The following MOSPD1 variants were observed in gnomAD, a reference collection of about 807,000 sequenced individuals.
MOSPD1 encodes motile sperm domain-containing protein 1.
Under a neutral mutation model 16.7 loss-of-function variants are expected in MOSPD1, and 5 were observed. The observed-to-expected ratio is 0.30, with a 90% CI of 0.16 to 0.63. The LOEUF (loss-of-function observed/expected upper bound fraction) is 0.63, where lower values mean the gene tolerates loss of function less well. MOSPD1 is among the 30% of genes least tolerant of loss of function. The pLI is 0.82. For synonymous variants in MOSPD1, 67 were observed against 59.2 expected, an observed-to-expected ratio of 1.13 and a Z score of -0.61; for missense variants, 104 against 153.6, an observed-to-expected ratio of 0.68 and a Z score of 1.71.
At chrX:134,903,124 G>A (rs1333335950) in intron 1 of MOSPD1, among the ~76,000 whole-genome samples, 6 of 109,620 alleles carry the variant, frequency 5.5e-5, no homozygotes, top group South Asian at 7.6e-4. Flanking sequence ...AAACTCTGTC[G>A]AGATGAGAAT....
chrX:134,889,796 C>G (rs1325664371), intron 5 of MOSPD1, among the ~76,000 whole-genome samples: 6 of 111,455 alleles, frequency 5.4e-5, no homozygotes, highest in Non-Finnish European at 1.1e-4. Flanking sequence ...AGGGGCTAGG[C>G]ATGGTGGCTC....
chrX:134,889,480 A>G (rs2082850704), intron 5 of MOSPD1, among the ~76,000 whole-genome samples: 1 of 112,152 alleles, frequency 8.9e-6, no homozygotes, highest in South Asian at 3.7e-4. Context: ...AAACATAATA[A>G]TAGCAGATGT....
intron 1 of MOSPD1, among the ~76,000 whole-genome samples, chrX:134,906,419 C>A (rs1222368028): frequency 3.7e-5 from 4 of 108,216 alleles, no homozygotes; most frequent in African/African-American, 1.3e-4. Context: ...CTCCTGACCT[C>A]GTGATCCGCC....
rs144007596 is a variant in MOSPD1 at position 134,909,418 on chromosome X, A to C, written c.-102+5764T>G. ...GTCACAGTGTACCAGCTACTTAACT[A>C]TCTCTCCCTGGCTCTTGCTGTTTAC... On this transcript the variant is annotated intron_variant, in intron 1 of 5. Transcript: ENST00000370783. 4.0e-3 allele frequency among the ~76,000 whole-genome samples: 449 copies of C among 111,862 alleles called. 1 individual carries two copies. Among genetic ancestry groups the C allele is most frequent in the Non-Finnish European group, 6.5e-3 (344 of 53,169 alleles).
intron 4 of MOSPD1, among the ~76,000 whole-genome samples, chrX:134,892,632 G>A (rs1209417383): frequency 1.8e-5 from 2 of 112,349 alleles, no homozygotes; most frequent in South Asian, 3.7e-4. Context: ...CACGGCTCAC[G>A]CCTGTAATCC....
chrX:134,900,561 T>C (rs924259630), intron 1 of MOSPD1, among the ~76,000 whole-genome samples: 2 of 112,013 alleles, frequency 1.8e-5, no homozygotes, highest in African/African-American at 6.5e-5. Flanking sequence ...ACATGCTTTG[T>C]GAGAGCTATT....
At chrX:134,897,372 G>A (rs2082890232) in intron 3 of MOSPD1, among the ~76,000 whole-genome samples, 1 of 108,469 alleles carries the variant, frequency 9.2e-6, no homozygotes, top group South Asian at 4.0e-4. Flanking sequence ...ACCAGCCTAT[G>A]CAACACAGAG....
intron 1 of MOSPD1, among the ~76,000 whole-genome samples, chrX:134,904,375 T>C (rs1227458751): frequency 8.9e-6 from 1 of 112,288 alleles, no homozygotes; most frequent in Non-Finnish European, 1.9e-5. Context: ...CAAAATTAAA[T>C]GCACATAGCC....
chrX:134,890,855 GAA>G, intron 5 of MOSPD1, among the ~76,000 whole-genome samples: 2 of 111,666 alleles, frequency 1.8e-5, no homozygotes, highest in South Asian at 7.5e-4. Flanking sequence ...AGGGAATACT[GAA>G]AAGAGTTGGC....
chrX:134,905,201 T>C (rs1423776106), intron 1 of MOSPD1, among the ~76,000 whole-genome samples: 1 of 99,677 alleles, frequency 1.0e-5, no homozygotes, highest in Non-Finnish European at 2.0e-5. Context: ...CTACTAAAAA[T>C]ACAAAAAAAA....
chrX:134,912,989 A>C (rs1371210555), intron 1 of MOSPD1, among the ~76,000 whole-genome samples: 1 of 110,862 alleles, frequency 9.0e-6, no homozygotes, highest in Non-Finnish European at 1.9e-5. Context: ...CTGTAATCCC[A>C]GCACTTTGGG....
chrX:134,895,901 G>A (rs1369108233), intron 4 of MOSPD1, among the ~76,000 whole-genome samples: 1 of 111,328 alleles, frequency 9.0e-6, no homozygotes, highest in Non-Finnish European at 1.9e-5. Flanking sequence ...TAATGGACTA[G>A]GAAAAAACTC....
intron 1 of MOSPD1, among the ~76,000 whole-genome samples, chrX:134,914,368 G>C (rs1267209123): frequency 9.0e-6 from 1 of 111,578 alleles, no homozygotes; most frequent in Admixed American, 9.5e-5. Flanking sequence ...AAGGGCAGGA[G>C]GGCTGGAGAG....
chrX:134,910,071 T>C (rs1399018912), intron 1 of MOSPD1, among the ~76,000 whole-genome samples: 1 of 111,658 alleles, frequency 9.0e-6, no homozygotes, highest in African/African-American at 3.3e-5. Flanking sequence ...TATGATTATA[T>C]ATATATGTTG....
chrX:134,899,469 TAC>T lies in MOSPD1; in HGVS notation c.-38_-37del. On this transcript the variant is annotated 5_prime_UTR_variant, in exon 2 of 6. Transcript: ENST00000370783. ...TCCCCCTTGCTGCAGTTTCTGTTTTTACAGTCTCAAATCTATTTTGGACTTTT... is the reference window on the plus strand; with the variant it reads ...TCCCCCTTGCTGCAGTTTCTGTTTTTAGTCTCAAATCTATTTTGGACTTTT... 1 of 1,118,776 alleles carries T rather than the reference TAC, an allele frequency of 8.9e-7. No individual in the cohort carries two copies. The highest frequency in any genetic ancestry group is 1.8e-5 in the African/African-American group (1 of 54,142). 92.2% of individuals were successfully genotyped at this position (1,118,776 alleles called of 1,213,427 possible). A position where few individuals can be genotyped will look rare whatever the true frequency, so the allele number is the denominator to read the frequency against.
intron 1 of MOSPD1, among the ~76,000 whole-genome samples, chrX:134,904,089 C>A (rs367813969): frequency 2.7e-5 from 3 of 112,216 alleles, no homozygotes; most frequent in African/African-American, 9.7e-5. Flanking sequence ...CAGAAACAAA[C>A]AAAAAATGAT....
In MOSPD1 at chrX:134,899,454, T is replaced by C; in HGVS notation, c.-21A>G. The C allele has an allele frequency of 8.8e-7, 1 of 1,138,112 alleles. No homozygotes were observed. Among genetic ancestry groups the C allele is most frequent in the Non-Finnish European group, 1.2e-6 (1 of 863,645 alleles). 93.8% of individuals were successfully genotyped at this position (1,138,112 alleles called of 1,213,427 possible). A position where few individuals can be genotyped will look rare whatever the true frequency, so the allele number is the denominator to read the frequency against. On this transcript the variant is annotated 5_prime_UTR_variant, in exon 2 of 6. Transcript: ENST00000370783. Reference sequence around the variant, plus strand: ...TGCATTGGCACTGAATCCCCCTTGCTGCAGTTTCTGTTTTTACAGTCTCAA... The same window carrying C: ...TGCATTGGCACTGAATCCCCCTTGCCGCAGTTTCTGTTTTTACAGTCTCAA...
chrX:134,913,288 C>T (rs747920976), intron 1 of MOSPD1, among the ~76,000 whole-genome samples: 307 of 110,554 alleles, frequency 2.8e-3, no homozygotes, highest in Non-Finnish European at 5.0e-3. Flanking sequence ...GGTGGGAGAT[C>T]GCTTGAGCCC....
intron 4 of MOSPD1, among the ~76,000 whole-genome samples, chrX:134,894,524 C>T (rs1174238398): frequency 8.9e-6 from 1 of 111,953 alleles, no homozygotes; most frequent in African/African-American, 3.2e-5. Context: ...TTGGAAACTA[C>T]ACATAAATTC....
Sources: allele counts gnomAD v4.1 joint callset (sites outside exome capture counted in the v4.1 genomes callset), GRCh38; gene constraint gnomAD v4.1.1; transcripts MANE v1.5; gene names NCBI Gene and HGNC (gene_info 2026-07-23, HGNC 2026-07-21).